GMDS: variants seen among roughly 807,000 people sequenced by gnomAD.
GMDS encodes the protein GDP-mannose 4,6-dehydratase.
GMDS carries 20 observed loss-of-function variants against 49.9 expected under a neutral mutation model. The ratio of observed to expected loss-of-function variants is 0.40; its 90% CI spans 0.28 to 0.58. The LOEUF is 0.58. Among genes scored for constraint, GMDS ranks in the 20% least tolerant of loss-of-function variants. The pLI, the probability that GMDS is intolerant of heterozygous loss-of-function variation, is 0.42. For synonymous variants in GMDS, 177 were observed against 178.6 expected (o/e 0.99, Z 0.07); for missense variants, 362 against 481.4 (o/e 0.75, Z 2.32).
intron 7 of GMDS, among the ~76,000 whole-genome samples, chr6:1,772,005 G>A (rs1768596707): frequency 6.6e-6 from 1 of 152,150 alleles, no homozygotes; most frequent in African/African-American, 2.4e-5. Flanking sequence ...AACAGCAATA[G>A]AAAGAACAGC....
At chr6:2,167,364 C>A (rs930403592) in intron 1 of GMDS, among the ~76,000 whole-genome samples, 8 of 152,142 alleles carry the variant, frequency 5.3e-5, no homozygotes, top group African/African-American at 1.9e-4. Context: ...CCTCATCTAG[C>A]TCCTCATCAT....
At chr6:2,016,746 A>T (rs1401229514) in intron 4 of GMDS, among the ~76,000 whole-genome samples, 1 of 152,218 alleles carries the variant, frequency 6.6e-6, no homozygotes, top group African/African-American at 2.4e-5. Flanking sequence ...CAATAGAATC[A>T]AACTATAAAT....
intron 7 of GMDS, among the ~76,000 whole-genome samples, chr6:1,928,107 C>G (rs1762112684): frequency 6.6e-6 from 1 of 152,286 alleles, no homozygotes; most frequent in East Asian, 1.9e-4. Context: ...TGGCTCAAGC[C>G]TGTAATCCCG....
chr6:2,116,000 C>T (rs950438017), intron 3 of GMDS, 120 bp from the exon 4 acceptor site: 10 of 665,932 alleles, frequency 1.5e-5, no homozygotes, highest in Non-Finnish European at 2.4e-5. Flanking sequence ...AATGGAAATG[C>T]TGTACTGATG....
At chr6:2,218,047 T>C (rs1780417569) in intron 1 of GMDS, among the ~76,000 whole-genome samples, 1 of 152,206 alleles carries the variant, frequency 6.6e-6, no homozygotes, top group Non-Finnish European at 1.5e-5. Flanking sequence ...AAGTGAGTAT[T>C]CACGATCACC....
At chr6:2,094,254 A>G (rs1302337948) in intron 4 of GMDS, among the ~76,000 whole-genome samples, 4 of 152,256 alleles carry the variant, frequency 2.6e-5, no homozygotes, top group Non-Finnish European at 4.4e-5. Context: ...ACACTGTATA[A>G]CAGACTAAGA....
rs1284951714 is a variant in GMDS at position 2,128,467 on chromosome 6, T to C, written c.103-3736A>G. On this transcript the variant is annotated intron_variant, in intron 1 of 10. Coordinates refer to ENST00000380815, the MANE Select transcript of GMDS (RefSeq NM_001500.4). Reference sequence around the variant, plus strand: ...TGGGATTATAGGTGTGAGCCACCCATCCTACTCTCGCAAGAACTAAGCTAG... The same window carrying C: ...TGGGATTATAGGTGTGAGCCACCCACCCTACTCTCGCAAGAACTAAGCTAG... Among the ~76,000 whole-genome samples the C allele has an allele frequency of 2.0e-5, 3 of 152,076 alleles. No individual in the cohort carries two copies. The East Asian group carries it at 5.8e-4, about 29-fold the overall frequency.
At chr6:1,986,373 C>T (rs9503060) in intron 4 of GMDS, among the ~76,000 whole-genome samples, 58,931 of 151,872 alleles carry the variant, frequency 0.39, 11,521 homozygotes, top group Middle Eastern at 0.44. Context: ...CGTGGTACAA[C>T]GGCAGGGAAA....
At chr6:1,718,060 C>CT (rs1257289289) in intron 9 of GMDS, among the ~76,000 whole-genome samples, 1 of 152,160 alleles carries the variant, frequency 6.6e-6, no homozygotes, top group Non-Finnish European at 1.5e-5. Flanking sequence ...TATTAACCTA[C>CT]TTTTTCAAAA....
intron 1 of GMDS, among the ~76,000 whole-genome samples, chr6:2,216,463 C>T (rs1780338590): frequency 2.0e-5 from 3 of 152,216 alleles, no homozygotes; most frequent in Admixed American, 6.5e-5. Context: ...CTATGAACCT[C>T]TAAGATTACA....
At chr6:2,074,257 C>T (rs1772186463) in intron 4 of GMDS, among the ~76,000 whole-genome samples, 1 of 152,100 alleles carries the variant, frequency 6.6e-6, no homozygotes, top group Non-Finnish European at 1.5e-5. Context: ...TTTACATTTC[C>T]CTGACACTTA....
At chr6:2,235,502 G>A (rs1310245567) in intron 1 of GMDS, among the ~76,000 whole-genome samples, 9 of 152,244 alleles carry the variant, frequency 5.9e-5, no homozygotes, top group South Asian at 2.1e-4. Context: ...TAGTCTGCAT[G>A]GAGACATAAG....
At chr6:1,638,287 AC>A (rs1763225112) in intron 9 of GMDS, among the ~76,000 whole-genome samples, 1 of 152,216 alleles carries the variant, frequency 6.6e-6, no homozygotes, top group Admixed American at 6.5e-5. Flanking sequence ...TTAGAGCAAA[AC>A]AAAAATTCCA....
chr6:2,145,277 G>T lies in GMDS; in HGVS notation c.103-20546C>A, dbSNP rs574601505. Among the ~76,000 whole-genome samples the T allele has an allele frequency of 1.4e-4, 22 of 152,284 alleles. No individual in the cohort carries two copies. In the East Asian group the frequency reaches 4.2e-3, roughly 29 times the overall value. ...AGACCGGGCACGGTGGCTCATGCCT[G>T]TAATCCCAGCACTTTGGGAGGCTGA... On this transcript the variant is annotated intron_variant, in intron 1 of 10. Transcript: ENST00000380815.
At chr6:1,651,209 C>T (rs1165756913) in intron 9 of GMDS, among the ~76,000 whole-genome samples, 2 of 152,250 alleles carry the variant, frequency 1.3e-5, no homozygotes, top group African/African-American at 4.8e-5. Context: ...ACACCAGTGG[C>T]AGCATGCACC....
intron 7 of GMDS, among the ~76,000 whole-genome samples, chr6:1,922,125 T>C (rs542058342): frequency 9.8e-5 from 15 of 152,316 alleles, no homozygotes; most frequent in South Asian, 4.1e-4. Context: ...TCTAATAGAA[T>C]AGGTTTTCTA....
At chr6:1,769,709 A>AT (rs61503342) in intron 7 of GMDS, among the ~76,000 whole-genome samples, 53 of 149,348 alleles carry the variant, frequency 3.5e-4, no homozygotes, top group African/African-American at 5.9e-4. Flanking sequence ...TTTATTTTTT[A>AT]TTTTTTTTTT....
At chr6:1,800,869 A>G (rs1303172573) in intron 7 of GMDS, among the ~76,000 whole-genome samples, 1 of 152,134 alleles carries the variant, frequency 6.6e-6, no homozygotes, top group East Asian at 1.9e-4. Flanking sequence ...GTGGGTCTGG[A>G]CCTCCAAGAA....
chr6:2,024,307 TTTATCAAGAAGGAA>T (rs1268286091), intron 4 of GMDS, among the ~76,000 whole-genome samples: 3 of 152,156 alleles, frequency 2.0e-5, no homozygotes, highest in East Asian at 1.9e-4. Flanking sequence ...AAGGACAGAC[TTTATCAAGAAGGAA>T]GATGAACTCA....
Sources: allele counts gnomAD v4.1 joint callset (sites outside exome capture counted in the v4.1 genomes callset), GRCh38; gene constraint gnomAD v4.1.1; transcripts MANE v1.5; gene names NCBI Gene and HGNC (gene_info 2026-07-23, HGNC 2026-07-21).